Variants in CTNNA2 observed in about 807,000 individuals in gnomAD.
CTNNA2 encodes the protein catenin alpha 2, also known as catenin alpha-2.
Under a neutral mutation model 101.0 loss-of-function variants are expected in CTNNA2, and 42 were observed. The ratio of observed to expected loss-of-function variants is 0.42; its 90% CI spans 0.32 to 0.54. The LOEUF is 0.54. Ranked by LOEUF, CTNNA2 falls within the 20% of genes least tolerant of loss-of-function variation. The probability of loss-of-function intolerance (pLI) is 0.14; values close to 1 mark genes in which losing one functional copy is unlikely to be tolerated. For synonymous variants in CTNNA2, 450 were observed against 456.4 expected, an observed-to-expected ratio of 0.99 and a Z score of 0.18; for missense variants, 871 against 1,223.1, an observed-to-expected ratio of 0.71 and a Z score of 4.29.
chr2:79,681,687 T>A (rs1683572924), intron 2 of CTNNA2, among the ~76,000 whole-genome samples: 1 of 152,366 alleles, frequency 6.6e-6, no homozygotes, highest in Admixed American at 6.5e-5. Flanking sequence ...TCTTAAGACA[T>A]AATTGCATGG....
chr2:79,765,112 GT>G (rs1490426309), intron 3 of CTNNA2, among the ~76,000 whole-genome samples: 5 of 152,152 alleles, frequency 3.3e-5, no homozygotes, highest in Non-Finnish European at 7.4e-5. Context: ...TTTTTGGTTT[GT>G]TTTCAAAACA....
intron 7 of CTNNA2, among the ~76,000 whole-genome samples, chr2:80,271,203 C>G (rs970152527): frequency 6.6e-6 from 1 of 152,148 alleles, no homozygotes; most frequent in Admixed American, 6.5e-5. Flanking sequence ...CTTTATCCCC[C>G]CCTTGGGTCA....
intron 2 of CTNNA2, among the ~76,000 whole-genome samples, chr2:79,250,913 T>C (rs1309262924): frequency 6.6e-6 from 1 of 152,172 alleles, no homozygotes; most frequent in East Asian, 1.9e-4. Context: ...TAGACGTTGC[T>C]CCTCTGGGTT....
chr2:79,683,173 G>C (rs1007630258), intron 2 of CTNNA2, among the ~76,000 whole-genome samples: 1 of 152,112 alleles, frequency 6.6e-6, no homozygotes, highest in Non-Finnish European at 1.5e-5. Flanking sequence ...GCTTAATACT[G>C]GGCCCATCCC....
intron 1 of CTNNA2, among the ~76,000 whole-genome samples, chr2:79,632,683 C>T (rs1679769812): frequency 6.6e-6 from 1 of 152,172 alleles, no homozygotes; most frequent in Non-Finnish European, 1.5e-5. Context: ...TTATGTGGGA[C>T]TTTAACATTG....
At chr2:79,442,585 A>C (rs1678788359) in intron 4 of CTNNA2, among the ~76,000 whole-genome samples, 1 of 152,182 alleles carries the variant, frequency 6.6e-6, no homozygotes. Context: ...TGAACTAAAT[A>C]TTATTATCAC....
At chr2:80,522,227 T>G (rs1689626373) in intron 9 of CTNNA2, among the ~76,000 whole-genome samples, 1 of 152,064 alleles carries the variant, frequency 6.6e-6, no homozygotes, top group Admixed American at 6.5e-5. Context: ...TCAGGGTGAT[T>G]GGTAGTTAGT....
chr2:79,592,033 T>C (rs1676890135), intron 1 of CTNNA2, among the ~76,000 whole-genome samples: 1 of 151,970 alleles, frequency 6.6e-6, no homozygotes, highest in Admixed American at 6.6e-5. Flanking sequence ...AATTCAATCA[T>C]TTATCTTTCT....
chr2:79,371,043 G>A (rs1403066587), intron 3 of CTNNA2, among the ~76,000 whole-genome samples: 2 of 152,062 alleles, frequency 1.3e-5, no homozygotes, highest in Non-Finnish European at 2.9e-5. Flanking sequence ...GCCACTCAGA[G>A]AAGTTTCTCT....
chr2:79,659,890 G>T (rs1681897861), intron 2 of CTNNA2, among the ~76,000 whole-genome samples: 1 of 152,134 alleles, frequency 6.6e-6, no homozygotes, highest in African/African-American at 2.4e-5. Flanking sequence ...CTGCTCTGGA[G>T]GCTGAGACAA....
chr2:79,800,626 CA>C (rs1676082139), intron 3 of CTNNA2, among the ~76,000 whole-genome samples: 1 of 152,136 alleles, frequency 6.6e-6, no homozygotes, highest in Non-Finnish European at 1.5e-5. Flanking sequence ...CAGAAGGGGA[CA>C]ACAGCCAAGG....
chr2:79,293,881 G>C (rs554810850), intron 2 of CTNNA2, among the ~76,000 whole-genome samples: 2 of 152,038 alleles, frequency 1.3e-5, no homozygotes, highest in Non-Finnish European at 2.9e-5. Flanking sequence ...ATGTGACCTC[G>C]GATAAGTCTG....
At chr2:80,354,000 G>A (rs1437791162) in intron 7 of CTNNA2, among the ~76,000 whole-genome samples, 1 of 152,116 alleles carries the variant, frequency 6.6e-6, no homozygotes, top group African/African-American at 2.4e-5. Context: ...ACAGCCAAAG[G>A]AGGGAGGTGG....
At chr2:79,563,526 G>GT (rs1439042671) in intron 1 of CTNNA2, among the ~76,000 whole-genome samples, 2 of 152,028 alleles carry the variant, frequency 1.3e-5, no homozygotes, top group Non-Finnish European at 2.9e-5. Flanking sequence ...TGTCTCTAAT[G>GT]GGCTGCCATC....
chr2:80,350,364 C>A (rs1489706096), intron 7 of CTNNA2, among the ~76,000 whole-genome samples: 1 of 152,144 alleles, frequency 6.6e-6, no homozygotes, highest in East Asian at 1.9e-4. Context: ...AAAATAGTTT[C>A]TTTAAAACTG....
At chr2:79,391,388 A>G (rs940127194) in intron 4 of CTNNA2, among the ~76,000 whole-genome samples, 1 of 152,192 alleles carries the variant, frequency 6.6e-6, no homozygotes, top group Non-Finnish European at 1.5e-5. Context: ...TTATTTTCTT[A>G]ATAGCAGTTT....
intron 6 of CTNNA2, among the ~76,000 whole-genome samples, chr2:79,904,647 T>C (rs1299230925): frequency 6.6e-6 from 1 of 152,206 alleles, no homozygotes; most frequent in East Asian, 1.9e-4. Flanking sequence ...CATTTCCCTA[T>C]TCAATAAGAT....
intron 7 of CTNNA2, among the ~76,000 whole-genome samples, chr2:80,053,352 C>T (rs541815329): frequency 6.6e-6 from 1 of 152,288 alleles, no homozygotes; most frequent in East Asian, 1.9e-4. Flanking sequence ...TAAATAATGG[C>T]AACACAACTT....
chr2:80,340,634 A>G (rs944299961), intron 7 of CTNNA2, among the ~76,000 whole-genome samples: 5 of 152,316 alleles, frequency 3.3e-5, no homozygotes, highest in Admixed American at 1.3e-4. Flanking sequence ...CCACAGACTT[A>G]GAGTCTCATT....
Sources: gnomAD v4.1 joint callset for allele counts (sites outside exome capture counted in the v4.1 genomes callset) on GRCh38, gnomAD v4.1.1 for gene constraint, MANE v1.5 for transcripts, NCBI Gene and HGNC (gene_info 2026-07-23, HGNC 2026-07-21) for gene names.